Variants in TENM1 observed in about 807,000 individuals in gnomAD.
The protein encoded by TENM1 is teneurin transmembrane protein 1, also known as teneurin-1.
Under a neutral mutation model 174.8 loss-of-function variants are expected in TENM1, and 35 were observed. The observed-to-expected ratio is 0.20, with a 90% CI of 0.15 to 0.27. The LOEUF is 0.27. Among genes scored for constraint, TENM1 ranks in the 10% least tolerant of loss-of-function variants. The pLI is 1.00. For synonymous variants in TENM1, 781 were observed against 798.7 expected, an observed-to-expected ratio of 0.98 and a Z score of 0.37; for missense variants, 1,633 against 2,130.1, an observed-to-expected ratio of 0.77 and a Z score of 4.59.
the TENM1 span, among the ~76,000 whole-genome samples, chrX:125,031,781 C>T: frequency 6.2e-5 from 7 of 112,182 alleles, no homozygotes; most frequent in Non-Finnish European, 1.3e-4. Context: ...TTTCCTACTT[C>T]TCCTAGGAGC....
At chrX:124,760,494 C>T (rs758936616) in intron 3 of TENM1, among the ~76,000 whole-genome samples, 52 of 111,417 alleles carry the variant, frequency 4.7e-4, no homozygotes, top group African/African-American at 1.6e-3. Context: ...AGGGCATCCC[C>T]GTCTTGTGCC....
At chrX:124,700,925 C>T (rs1337347470) in intron 5 of TENM1, among the ~76,000 whole-genome samples, 2 of 111,529 alleles carry the variant, frequency 1.8e-5, no homozygotes, top group Non-Finnish European at 1.9e-5. Context: ...AAAAAAAGCA[C>T]TTGAATCTAT....
At chrX:125,109,635 G>C in the TENM1 span, among the ~76,000 whole-genome samples, 2 of 111,288 alleles carry the variant, frequency 1.8e-5, no homozygotes, top group Non-Finnish European at 3.8e-5. Context: ...GAGGGAGAGA[G>C]AGAAAAGAGA....
At chrX:124,966,661 C>CA (rs752282277), upstream of TENM1, among the ~76,000 whole-genome samples, 492 of 61,428 alleles carry the variant, frequency 8.0e-3, 2 homozygotes, top group African/African-American at 0.015. Context: ...GACTCCGTCT[C>CA]AAAAAAAAAA....
intron 23 of TENM1, among the ~76,000 whole-genome samples, chrX:124,447,360 G>A (rs1355484075): frequency 9.0e-6 from 1 of 111,226 alleles, no homozygotes; most frequent in Non-Finnish European, 1.9e-5. Context: ...AATTTCATTC[G>A]GTGTTCTCCA....
rs2060198760 is a variant in TENM1 at position 124,384,682 on chromosome X, C to T, written c.6249G>A (p.Gln2083=). 3.3e-6 allele frequency: 4 copies of T among 1,210,174 alleles called. No homozygotes were observed. In the Middle Eastern group the frequency reaches 9.2e-4, roughly 278 times the overall value. The change falls in exon 30 of 32, where the codon CAG becomes CAA. Residue 2083 remains glutamine, a synonymous_variant. Transcript: ENST00000422452. ...AATTAATTACACTGAATTTTCCAAA[C>T]TGCTCTGTTCTGCCAGAGACATCAA...
chrX:124,896,102 A>G (rs1303739553), exon 2 of TENM1: 1 of 1,211,244 alleles, frequency 8.3e-7, no homozygotes, highest in African/African-American at 1.7e-5. Context: ...TTCTTAGTGC[A>G]TGGTCAGGTG....
At chrX:124,760,759 A>G (rs2054389824) in intron 3 of TENM1, among the ~76,000 whole-genome samples, 1 of 111,592 alleles carries the variant, frequency 9.0e-6, no homozygotes, top group South Asian at 3.7e-4. Context: ...TGAACAGGCA[A>G]CCTACAGAAT....
At chrX:124,797,455 A>C (rs1157731806) in intron 3 of TENM1, among the ~76,000 whole-genome samples, 1 of 111,483 alleles carries the variant, frequency 9.0e-6, no homozygotes, top group African/African-American at 3.3e-5. Context: ...GATGAGGCTG[A>C]AGGATTAAAA....
intron 3 of TENM1, among the ~76,000 whole-genome samples, chrX:124,801,835 C>G (rs892014294): frequency 7.2e-5 from 8 of 111,445 alleles, no homozygotes; most frequent in African/African-American, 2.6e-4. Flanking sequence ...TATTTCTCCT[C>G]CACTTATTAA....
At chrX:124,990,270 C>A in the TENM1 span, among the ~76,000 whole-genome samples, 11 of 111,409 alleles carry the variant, frequency 9.9e-5, no homozygotes, top group South Asian at 3.7e-4. Flanking sequence ...ACTGTAAGCA[C>A]TGCAAACAAA....
At chrX:124,554,204 A>G (rs1212812492) in intron 14 of TENM1, among the ~76,000 whole-genome samples, 1 of 112,571 alleles carries the variant, frequency 8.9e-6, no homozygotes, top group Non-Finnish European at 1.9e-5. Flanking sequence ...ATGTGCCCAG[A>G]GATTAACAAA....
chrX:125,185,403 A>G, the TENM1 span, among the ~76,000 whole-genome samples: 4 of 112,459 alleles, frequency 3.6e-5, no homozygotes, highest in African/African-American at 9.7e-5. Context: ...TCACAGAATT[A>G]TTCAGACATG....
the TENM1 span, among the ~76,000 whole-genome samples, chrX:125,129,171 G>C: frequency 1.8e-5 from 2 of 111,846 alleles, no homozygotes; most frequent in African/African-American, 6.5e-5. Context: ...CTGGAAACTT[G>C]ATCTCAGACG....
At chrX:124,391,170 T>A (rs977962768) in intron 28 of TENM1, among the ~76,000 whole-genome samples, 1 of 112,132 alleles carries the variant, frequency 8.9e-6, no homozygotes, top group East Asian at 2.8e-4. Context: ...ATCTGTCATG[T>A]GAGCTATGAG....
intron 3 of TENM1, among the ~76,000 whole-genome samples, chrX:124,826,835 ATC>A (rs1228049797): frequency 8.9e-6 from 1 of 111,787 alleles, no homozygotes; most frequent in African/African-American, 3.3e-5. Context: ...ACAGTTTAGA[ATC>A]TGAGTTTTAT....
chrX:124,547,370 A>G (rs751977133), intron 14 of TENM1, among the ~76,000 whole-genome samples: 1 of 112,142 alleles, frequency 8.9e-6, no homozygotes, highest in Admixed American at 9.4e-5. Flanking sequence ...GTTATTGTTT[A>G]GAGTTTGGGT....
intron 23 of TENM1, among the ~76,000 whole-genome samples, chrX:124,432,122 A>G (rs1194598601): frequency 8.9e-6 from 1 of 111,898 alleles, no homozygotes; most frequent in Non-Finnish European, 1.9e-5. Flanking sequence ...AAGTAGTCCT[A>G]GTATATTTCA....
chrX:124,968,868 G>T, the TENM1 span, among the ~76,000 whole-genome samples: 1 of 111,613 alleles, frequency 9.0e-6, no homozygotes, highest in South Asian at 3.8e-4. Flanking sequence ...CTAATAAATA[G>T]CTCATTTTTT....
Sources: gnomAD v4.1 joint callset for allele counts (sites outside exome capture counted in the v4.1 genomes callset) on GRCh38, gnomAD v4.1.1 for gene constraint, MANE v1.5 for transcripts, NCBI Gene and HGNC (gene_info 2026-07-23, HGNC 2026-07-21) for gene names.